The following NLRP11 variants were observed in gnomAD, a reference collection of about 807,000 sequenced individuals.
NLRP11 encodes NLR family pyrin domain containing 11.
In NLRP11, 53 loss-of-function variants were observed where a neutral mutation model predicts 79.3. The observed-to-expected ratio is 0.67, with a 90% CI of 0.54 to 0.84. NLRP11 has a LOEUF of 0.84. Among genes scored for constraint, NLRP11 ranks in the 40% least tolerant of loss-of-function variants. The probability of loss-of-function intolerance (pLI) is 0.00; values close to 1 mark genes in which losing one functional copy is unlikely to be tolerated. For synonymous variants in NLRP11, 518 were observed against 462.6 expected (o/e 1.12, Z -1.54); for missense variants, 1,264 against 1,255.0 (o/e 1.01, Z -0.11).
chr19:55,798,198 C>T (rs568628078), intron 5 of NLRP11: 15 of 302,280 alleles, frequency 5.0e-5, no homozygotes, highest in Admixed American at 1.9e-4. Flanking sequence ...GAGGTTTCGC[C>T]ATGTTGGTCA....
intron 2 of NLRP11, among the ~76,000 whole-genome samples, chr19:55,813,802 C>T (rs1980832225): frequency 6.6e-6 from 1 of 152,084 alleles, no homozygotes; most frequent in African/African-American, 2.4e-5. Context: ...ACTGAGTGGA[C>T]TCAGCCCTGC....
At chr19:55,789,030 C>T in intron 8 of NLRP11, 53 bp from the exon 9 acceptor site, 1 of 1,594,306 alleles carries the variant, frequency 6.3e-7, no homozygotes, top group Non-Finnish European at 8.6e-7. Context: ...GGAAAAATGG[C>T]AGATGAGATG....
At chr19:55,823,172 G>A (rs1018033727) in intron 1 of NLRP11, among the ~76,000 whole-genome samples, 1 of 146,080 alleles carries the variant, frequency 6.8e-6, no homozygotes, top group Non-Finnish European at 1.5e-5. Flanking sequence ...TCACACGGCA[G>A]GGTATTCCAA....
At chr19:55,814,351 T>C (rs1246870926) in intron 2 of NLRP11, among the ~76,000 whole-genome samples, 1 of 152,096 alleles carries the variant, frequency 6.6e-6, no homozygotes, top group Non-Finnish European at 1.5e-5. Flanking sequence ...TATTACAATG[T>C]AATAGAAATA....
rs1027157445 is a variant in NLRP11 at position 55,827,231 on chromosome 19, G to C, written c.-63+4732C>G. On this transcript the variant is annotated intron_variant, in intron 1 of 9. Transcript: ENST00000589093. Reference sequence around the variant, plus strand: ...AGCCATATGTAGGAAGCTGAAACTGGATCCCTTCCTTACACCTTATACAAA... The same window carrying C: ...AGCCATATGTAGGAAGCTGAAACTGCATCCCTTCCTTACACCTTATACAAA... Among the ~76,000 whole-genome samples the C allele has an allele frequency of 1.9e-4, 27 of 140,436 alleles. 1 individual carries two copies. Among genetic ancestry groups the C allele is most frequent in the Middle Eastern group, 3.9e-3 (1 of 258 alleles). 92.1% of individuals were successfully genotyped at this position (140,436 alleles called of 152,430 possible). A position where few individuals can be genotyped will look rare whatever the true frequency, so the allele number is the denominator to read the frequency against.
At chr19:55,816,498 G>C (rs1981126029) in intron 2 of NLRP11, among the ~76,000 whole-genome samples, 1 of 152,210 alleles carries the variant, frequency 6.6e-6, no homozygotes, top group South Asian at 2.1e-4. Context: ...AGGTATTCAG[G>C]TTTTCAATTG....
At position 55,789,414 on chromosome 19, in the gene NLRP11, C is replaced by T; in HGVS notation, c.2514-15G>A. ...AGCCAGACAGACTGCAAAACAGAAA[C>T]ATGAGCTAGAGTCATGACCACCTGT... is the stretch of plus-strand genomic sequence containing the variant. On this transcript the variant is annotated splice_polypyrimidine_tract_variant and intron_variant, in intron 7 of 9. Coordinates refer to ENST00000589093, the Ensembl canonical transcript of NLRP11. 6.2e-7 allele frequency: 1 copy of T among 1,606,892 alleles called. No individual in the cohort carries two copies. Among genetic ancestry groups the T allele is most frequent in the African/African-American group, 1.3e-5 (1 of 74,694 alleles).
At chr19:55,789,465 T>A in intron 7 of NLRP11, 66 bp from the exon 8 acceptor site, 1 of 1,444,570 alleles carries the variant, frequency 6.9e-7, no homozygotes, top group Non-Finnish European at 9.5e-7. Flanking sequence ...TCACAGAGTG[T>A]TAAGCATTCT....
At chr19:55,808,834 C>T (rs16986626) in exon 3 of NLRP11, 99,904 of 1,613,472 alleles carry the variant, frequency 0.062, 5,257 homozygotes, top group East Asian at 0.21. Context: ...ACTTAAGTGT[C>T]CTCAGGTGAC....
At chr19:55,823,333 G>A (rs1982001051) in intron 1 of NLRP11, among the ~76,000 whole-genome samples, 2 of 135,210 alleles carry the variant, frequency 1.5e-5, no homozygotes, top group Non-Finnish European at 3.1e-5. Context: ...CAGAAAAACT[G>A]GAAACTCTAA....
chr19:55,793,435 G>T (rs772817776), intron 6 of NLRP11, among the ~76,000 whole-genome samples: 17 of 151,624 alleles, frequency 1.1e-4, no homozygotes, highest in Non-Finnish European at 2.9e-5. Flanking sequence ...CGGCATAGTG[G>T]TGTGCACCTG....
intron 2 of NLRP11, among the ~76,000 whole-genome samples, chr19:55,811,388 T>C (rs940630676): frequency 1.3e-5 from 2 of 152,194 alleles, no homozygotes; most frequent in African/African-American, 4.8e-5. Flanking sequence ...AAAATGTTTT[T>C]ATCCCTGGGT....
chr19:55,831,109 A>ACCCCCCCGCCCGCCCCCCCCC (rs1982732626), intron 1 of NLRP11, among the ~76,000 whole-genome samples: 1 of 9,506 alleles, frequency 1.1e-4, no homozygotes. Flanking sequence ...CACCCCCCCC[A>ACCCCCCCGCCCGCCCCCCCCC]TCCCCCCCAC....
At chr19:55,816,879 C>G (rs1411129449) in intron 2 of NLRP11, among the ~76,000 whole-genome samples, 2 of 152,188 alleles carry the variant, frequency 1.3e-5, no homozygotes, top group Non-Finnish European at 2.9e-5. Flanking sequence ...TAGAACATGA[C>G]CCATATCCAA....
intron 1 of NLRP11, 94 bp from the exon 2 acceptor site, chr19:55,818,330 A>T (rs1453284875): frequency 3.2e-6 from 2 of 634,434 alleles, no homozygotes; most frequent in African/African-American, 3.7e-5. Context: ...GTGTGATAGA[A>T]GCTCCTTTCT....
At chr19:55,807,094 A>G (rs1254491522) in intron 4 of NLRP11, among the ~76,000 whole-genome samples, 1 of 152,144 alleles carries the variant, frequency 6.6e-6, no homozygotes, top group Non-Finnish European at 1.5e-5. Flanking sequence ...ATTCTGTCTC[A>G]TCAGATAGCA....
chr19:55,808,800 T>C, exon 3 of NLRP11: 1 of 1,610,528 alleles, frequency 6.2e-7, no homozygotes, highest in African/African-American at 1.3e-5. Context: ...GGCTCTTTGT[T>C]TTGAAAGATG....
intron 5 of NLRP11, among the ~76,000 whole-genome samples, 159 bp downstream of exon 5, chr19:55,801,410 GAAT>G (rs1979462242): frequency 6.6e-6 from 1 of 152,128 alleles, no homozygotes; most frequent in Admixed American, 6.5e-5. Context: ...CAAAAGGCAG[GAAT>G]AATGTTGGTG....
At chr19:55,817,863 G>T in intron 2 of NLRP11, 41 bp downstream of exon 2, 22 of 1,443,394 alleles carry the variant, frequency 1.5e-5, no homozygotes, top group South Asian at 2.7e-5. Context: ...TTCCTGTGAA[G>T]TGCCCTGATT....
Sources: gnomAD v4.1 joint callset for allele counts (sites outside exome capture counted in the v4.1 genomes callset) on GRCh38, gnomAD v4.1.1 for gene constraint, MANE v1.5 for transcripts, NCBI Gene and HGNC (gene_info 2026-07-23, HGNC 2026-07-21) for gene names.